CPT1C: variants seen among roughly 807,000 people sequenced by gnomAD.
The protein encoded by CPT1C is palmitoyl thioesterase CPT1C.
CPT1C carries 61 observed loss-of-function variants against 97.3 expected under a neutral mutation model. The observed-to-expected ratio is 0.63, with a 90% CI of 0.51 to 0.78. CPT1C has a LOEUF of 0.78. CPT1C is among the 30% of genes least tolerant of loss of function. The pLI, the probability that CPT1C is intolerant of heterozygous loss-of-function variation, is 0.00. For synonymous variants in CPT1C, 469 were observed against 447.2 expected (o/e 1.05, Z -0.61); for missense variants, 975 against 1,065.5 (o/e 0.92, Z 1.18).
Position 49,702,015 on chromosome 19 carries a change from T to TAA in CPT1C, c.693+382_693+383insAA, listed in dbSNP as rs2083143536. Among the ~76,000 whole-genome samples the TAA allele has an allele frequency of 4.7e-5, 2 of 42,966 alleles. 1 individual carries two copies. The highest frequency in any genetic ancestry group is 3.0e-4 in the African/African-American group (2 of 6,708). The allele number at this position is 42,966 out of a possible 152,430, so 28.2% of individuals were successfully genotyped here. On this transcript the variant is annotated intron_variant, in intron 7 of 19. Coordinates refer to ENST00000598293, the MANE Select transcript of CPT1C (RefSeq NM_001199753.2). ...ATATTATAAATATATTAAATATATTTATTTATAAATTATAAATATATATTT... is the reference window on the plus strand; with the variant it reads ...ATATTATAAATATATTAAATATATTTAAATTTATAAATTATAAATATATATTT...
intron 3 of CPT1C, among the ~76,000 whole-genome samples, chr19:49,692,875 G>A (rs1331665381): frequency 6.6e-6 from 1 of 151,892 alleles, no homozygotes; most frequent in Non-Finnish European, 1.5e-5. Context: ...ATTGGCGCAC[G>A]CCACCATGCC....
intron 13 of CPT1C, 78 bp downstream of exon 13, chr19:49,707,701 C>A: frequency 2.1e-6 from 2 of 961,818 alleles, no homozygotes; most frequent in Non-Finnish European, 1.6e-6. Flanking sequence ...GCCTTAGTGT[C>A]AGAAGAAAAA....
At chr19:49,690,693 C>T (rs912984996), upstream of CPT1C, 3 of 521,598 alleles carry the variant, frequency 5.8e-6, no homozygotes, top group Middle Eastern at 5.0e-4. The surrounding 1 kb of genome is among the most constrained non-coding windows in gnomAD (Gnocchi z 4.4). Flanking sequence ...ACCTTGAATC[C>T]AACCCGCTGT....
At chr19:49,712,088 A>T (rs2083920364) in intron 17 of CPT1C, 127 bp downstream of exon 17, 1 of 1,182,302 alleles carries the variant, frequency 8.5e-7, no homozygotes, top group East Asian at 2.6e-5. Flanking sequence ...CACGCCTGTA[A>T]TCCCAGCAGT....
intron 14 of CPT1C, among the ~76,000 whole-genome samples, chr19:49,709,555 ATT>A (rs546388616): frequency 1.6e-4 from 19 of 122,064 alleles, no homozygotes; most frequent in Admixed American, 3.3e-4. Context: ...CCCTATCCCC[ATT>A]TTTTTTTTTT....
At chr19:49,692,927 T>C (rs1392114623) in intron 3 of CPT1C, among the ~76,000 whole-genome samples, 4 of 152,214 alleles carry the variant, frequency 2.6e-5, no homozygotes, top group Admixed American at 6.5e-5. Flanking sequence ...AGTCTCACTC[T>C]GTTGCCCAGA....
intron 5 of CPT1C, 76 bp from the exon 6 acceptor site, chr19:49,701,241 C>T: frequency 8.0e-7 from 1 of 1,246,882 alleles, no homozygotes; most frequent in African/African-American, 1.5e-5. Context: ...GGGTTTCTGT[C>T]CCACTGTCGA....
In CPT1C at chr19:49,701,902, A is replaced by AT. The variant is rs59767881; in HGVS notation, c.693+269dup. Among the ~76,000 whole-genome samples, 570 of 97,424 alleles carry AT rather than the reference A, an allele frequency of 5.9e-3. 50 individuals are homozygous for AT. Among genetic ancestry groups the AT allele is most frequent in the African/African-American group, 0.027 (539 of 19,706 alleles). 63.9% of individuals were successfully genotyped at this position (97,424 alleles called of 152,430 possible). On this transcript the variant is annotated intron_variant, in intron 7 of 19. Coordinates refer to ENST00000598293, the MANE Select transcript of CPT1C (RefSeq NM_001199753.2). Reference sequence around the variant, plus strand: ...TAAATATATATATTTATTTATAAATATATATATTTATATTTATATACAAAT... The same window carrying AT: ...TAAATATATATATTTATTTATAAATATTATATATTTATATTTATATACAAAT...
In CPT1C at chr19:49,695,324, C is replaced by T. The variant is rs1183925235; in HGVS notation, c.142-2002C>T. Among the ~76,000 whole-genome samples the T allele has an allele frequency of 2.3e-5, 3 of 131,848 alleles. No homozygotes were observed. In the East Asian group the frequency reaches 6.9e-4, roughly 30 times the overall value. The allele number at this position is 131,848 out of a possible 152,430, so 86.5% of individuals were successfully genotyped here. On this transcript the variant is annotated intron_variant, in intron 3 of 19. Coordinates refer to ENST00000598293, the MANE Select transcript of CPT1C (RefSeq NM_001199753.2). ...TTGAGACGGAGTTTTGTTCTTGTTG[C>T]CCAGGCTGGATTGCAATGGCATGAT...
At position 49,695,727 on chromosome 19, in the gene CPT1C, G is replaced by T. The variant is rs182332694; in HGVS notation, c.142-1599G>T. On this transcript the variant is annotated intron_variant, in intron 3 of 19. Transcript: ENST00000598293. Reference sequence around the variant, plus strand: ...AGCCTCCAAGTAGCTAGGACTACAGGCGTGTGCCACCACGCCAAGCTAATT... The same window carrying T: ...AGCCTCCAAGTAGCTAGGACTACAGTCGTGTGCCACCACGCCAAGCTAATT... Among the ~76,000 whole-genome samples, 17 of 151,806 alleles carry T rather than the reference G, an allele frequency of 1.1e-4. No homozygotes were observed. The East Asian group carries it at 3.1e-3, about 28-fold the overall frequency.
rs1391538569 is a variant in CPT1C at position 49,701,312 on chromosome 19, C to T, written c.454-5C>T. On this transcript the variant is annotated splice_region_variant and splice_polypyrimidine_tract_variant and intron_variant, in intron 5 of 19. Transcript: ENST00000598293. ...GTTAATGACCCGGTAACTCCTCCTC[C>T]CCAGGCCCTGGTCCGCATCTTCTCT... 4 of 1,610,544 alleles carry T rather than the reference C, an allele frequency of 2.5e-6. No individual in the cohort carries two copies. The highest frequency in any genetic ancestry group is 3.4e-6 in the Non-Finnish European group (4 of 1,178,760).
At chr19:49,701,253 C>T (rs2083033677) in intron 5 of CPT1C, 64 bp from the exon 6 acceptor site, 1 of 1,416,232 alleles carries the variant, frequency 7.1e-7, no homozygotes, top group Non-Finnish European at 9.8e-7. Flanking sequence ...CACTGTCGAC[C>T]CCTGCCCCGT....
At chr19:49,710,582 TG>T in intron 15 of CPT1C, 98 bp downstream of exon 15, 1 of 1,572,758 alleles carries the variant, frequency 6.4e-7, no homozygotes. Context: ...GCTGCCATTG[TG>T]GGTCGGCCAT....
At position 49,713,452 on chromosome 19, in the gene CPT1C, C is replaced by T. The variant is rs138794903; in HGVS notation, c.2259C>T (p.Asp753=). The T allele has an allele frequency of 8.6e-5, 138 of 1,613,858 alleles. No individual in the cohort carries two copies. Among genetic ancestry groups the T allele is most frequent in the Middle Eastern group, 3.3e-4 (2 of 6,060 alleles). Residue 753 remains aspartate, a synonymous_variant, in exon 20 of 20, where the codon GAC becomes GAT. Transcript: ENST00000598293. ...ACAGGCTGGGGCAGCACATTGAGGA[C>T]GCACTGCTGGATGTGGCCTCCCTGT... ...DSHRLGQHIE[D]ALLDVASLFQ...
chr19:49,692,004 C>T (rs1165491212), intron 2 of CPT1C, 115 bp downstream of exon 2: 1 of 482,724 alleles, frequency 2.1e-6, no homozygotes, highest in East Asian at 3.6e-5. Flanking sequence ...GCTTCTGGGT[C>T]TGAGGGAGGA....
intron 3 of CPT1C, among the ~76,000 whole-genome samples, chr19:49,695,435 C>T (rs1167374027): frequency 6.6e-6 from 1 of 151,742 alleles, no homozygotes; most frequent in Non-Finnish European, 1.5e-5. Context: ...AGGTGCCTGC[C>T]ACCAGGCCCG....
rs1264030549 is a variant in CPT1C, at chr19:49,692,316, G to A, written c.64G>A (p.Glu22Lys). 3 of 1,614,124 alleles carry A rather than the reference G, an allele frequency of 1.9e-6. No homozygotes were observed. Among genetic ancestry groups the A allele is most frequent in the Admixed American group, 3.3e-5 (2 of 60,012 alleles). ...GCTGACCTCGGACGGGGCTGAAGTG[G>A]AACTCAGTGCCCCTGTGCTGCAGGA... is the stretch of plus-strand genomic sequence containing the variant. The part of the protein sequence containing the change: ...PSLTSDGAEV[E>K]LSAPVLQEIY... Residue 22 changes from glutamate to lysine, a missense_variant, in exon 3 of 20, where the codon GAA becomes AAA. Coordinates refer to ENST00000598293, the MANE Select transcript of CPT1C (RefSeq NM_001199753.2).
intron 4 of CPT1C, among the ~76,000 whole-genome samples, chr19:49,700,364 G>A (rs539760995): frequency 6.6e-6 from 1 of 152,238 alleles, no homozygotes; most frequent in South Asian, 2.1e-4. Context: ...CTCCCAGGCA[G>A]TGCTCCCAGG....
rs752727778 is a variant in CPT1C at position 49,710,509 on chromosome 19, C to G, written c.1731+25C>G. The G allele has an allele frequency of 1.5e-5, 24 of 1,613,770 alleles. 1 individual carries two copies. In the South Asian group the frequency reaches 2.5e-4, roughly 17 times the overall value. ...GGTCAGTTGGGTTCCCCATCCACAG[C>G]CCCCGCAGGGTCTCAGTCCACCTGA... On this transcript the variant is annotated intron_variant, in intron 15 of 19. Coordinates refer to ENST00000598293, the MANE Select transcript of CPT1C (RefSeq NM_001199753.2).
Sources: gnomAD v4.1 joint callset for allele counts (sites outside exome capture counted in the v4.1 genomes callset) on GRCh38, gnomAD v4.1.1 for gene constraint, Gnocchi (gnomAD v3.1) non-coding constraint, MANE v1.5 for transcripts, NCBI Gene and HGNC (gene_info 2026-07-23, HGNC 2026-07-21) for gene names.